The following DDIAS variants were observed in gnomAD, a reference collection of about 807,000 sequenced individuals.
DDIAS encodes DNA damage induced apoptosis suppressor, also known as DNA damage-induced apoptosis suppressor protein.
DDIAS carries 14 observed loss-of-function variants against 15.7 expected under a neutral mutation model. That is an observed-to-expected ratio of 0.89 (90% CI 0.59 to 1.39). The LOEUF is 1.39. Ranked by LOEUF, DDIAS falls within the 40% of genes most tolerant of loss-of-function variation. The pLI is 0.00. For missense variants in DDIAS, 1,035 were observed against 1,130.9 expected (o/e 0.92, Z 1.22); for synonymous variants, 355 against 395.9 (o/e 0.90, Z 1.23).
chr11:82,918,359 G>C (rs1860673518), intron 3 of DDIAS, among the ~76,000 whole-genome samples: 1 of 152,052 alleles, frequency 6.6e-6, no homozygotes, highest in Non-Finnish European at 1.5e-5. Context: ...CCCCACTATT[G>C]TTCACTTTGT....
rs1296631636 is a variant in DDIAS at position 82,933,684 on chromosome 11, A to C, written c.2346A>C (p.Gln782His). 6.2e-7 allele frequency: 1 copy of C among 1,614,134 alleles called. No individual in the cohort carries two copies. The highest frequency in any genetic ancestry group is 8.5e-7 in the Non-Finnish European group (1 of 1,180,006). The change falls in exon 6 of 6, where the codon CAA (glutamine) becomes CAC (histidine). Residue 782 changes from glutamine (Q) to histidine (H), a missense_variant. By Grantham distance (24) the Gln-to-His change is conservative. Coordinates refer to ENST00000533655, the MANE Select transcript of DDIAS (RefSeq NM_145018.4). ...CAACTCCAATTTCAGGGTTCCACCA[A>C]ACAAGAATTCATGGGATAAACAGAG... Reference protein sequence around the residue: ...SQSTPISGFHQTRIHGINRAF... With the variant: ...SQSTPISGFHHTRIHGINRAF...
intron 1 of DDIAS, among the ~76,000 whole-genome samples, chr11:82,907,415 T>A (rs1860453575): frequency 6.6e-6 from 1 of 152,222 alleles, no homozygotes; most frequent in Admixed American, 6.5e-5. Flanking sequence ...TTCCCTTTGT[T>A]AATAAAGAAA....
intron 3 of DDIAS, among the ~76,000 whole-genome samples, chr11:82,923,394 A>G (rs1303269861): frequency 6.6e-6 from 1 of 152,234 alleles, no homozygotes; most frequent in Admixed American, 6.5e-5. Context: ...TAGCACTGCA[A>G]GCTTATGACA....
rs187362601 is a variant in DDIAS at position 82,902,127 on chromosome 11, G to T, written c.-117+305G>T. Among the ~76,000 whole-genome samples the T allele has an allele frequency of 4.1e-4, 62 of 152,318 alleles. 1 individual carries two copies. Among genetic ancestry groups the T allele is most frequent in the African/African-American group, 1.3e-3 (55 of 41,562 alleles). On this transcript the variant is annotated intron_variant, in intron 1 of 5. Coordinates refer to ENST00000533655, the MANE Select transcript of DDIAS (RefSeq NM_145018.4). ...AAGGCGCGACTCTTGCTTCTGTAATGTGCAAATACGTATTCAGTGGGCCAC... is the reference window on the plus strand; with the variant it reads ...AAGGCGCGACTCTTGCTTCTGTAATTTGCAAATACGTATTCAGTGGGCCAC...
Position 82,934,217 on chromosome 11 carries a change from A to G in DDIAS, c.2879A>G (p.His960Arg). The G allele has an allele frequency of 1.9e-6, 3 of 1,614,120 alleles. No homozygotes were observed. The highest frequency in any genetic ancestry group is 2.5e-6 in the Non-Finnish European group (3 of 1,179,992). Reference sequence around the variant, plus strand: ...CAAGTCTTAGCAGCACCTCAGCTGCACCCTATTCTTGGACCTGATTCTTGT... The same window carrying G: ...CAAGTCTTAGCAGCACCTCAGCTGCGCCCTATTCTTGGACCTGATTCTTGT... ...DIQVLAAPQL[H>R]PILGPDSCSE... is the part of the protein sequence containing the mutation. The change falls in exon 6 of 6, where the codon CAC becomes CGC. Residue 960 changes from histidine (H) to arginine (R), a missense_variant. His to Arg is a conservative substitution (Grantham distance 29). Transcript: ENST00000533655.
At chr11:82,910,532 A>T (rs977952601) in intron 1 of DDIAS, among the ~76,000 whole-genome samples, 1 of 151,414 alleles carries the variant, frequency 6.6e-6, no homozygotes, top group Non-Finnish European at 1.5e-5. Context: ...CGGCCTCCCA[A>T]AGTGCTGGGA....
In DDIAS at chr11:82,933,965, A is replaced by T; in HGVS notation, c.2627A>T (p.Asp876Val). ...ACCACACAAAAAATATTTCCTTCAG[A>T]TATGCTTGGATTCCAAGGCATAGGT... The part of the protein sequence containing the change: ...PPTTQKIFPS[D>V]MLGFQGIGLG... Residue 876 changes from aspartate (D) to valine (V), a missense_variant, in exon 6 of 6, where the codon GAT (aspartate) becomes GTT (valine). Physicochemically the swap from Asp to Val is radical, Grantham distance 152. Transcript: ENST00000533655. 1 of 1,612,824 alleles carries T rather than the reference A, an allele frequency of 6.2e-7. No homozygotes were observed. Among genetic ancestry groups the T allele is most frequent in the Non-Finnish European group, 8.5e-7 (1 of 1,179,722 alleles).
At chr11:82,926,265 T>G (rs1406478604) in intron 3 of DDIAS, among the ~76,000 whole-genome samples, 2 of 151,936 alleles carry the variant, frequency 1.3e-5, no homozygotes, top group African/African-American at 2.4e-5. Flanking sequence ...ATTTTTGTAT[T>G]TTTTGTAGAG....
intron 1 of DDIAS, among the ~76,000 whole-genome samples, chr11:82,905,594 C>A (rs1267027171): frequency 6.6e-6 from 1 of 152,112 alleles, no homozygotes. Context: ...CTAAATTAGT[C>A]CCCCTGTTAT....
At chr11:82,909,935 T>C (rs984419763) in intron 1 of DDIAS, among the ~76,000 whole-genome samples, 1 of 152,246 alleles carries the variant, frequency 6.6e-6, no homozygotes, top group East Asian at 1.9e-4. Context: ...TTTATTTTTA[T>C]AGAAATGTTA....
rs146662456 is a variant in DDIAS at position 82,928,801 on chromosome 11, T to C, written c.138T>C (p.Ser46=). ...SKRSNCPKCG[S]TGESGNANYR... The stretch of plus-strand genomic sequence containing the variant: ...GGTCTAATTGTCCAAAATGTGGCTC[T>C]ACTGGTGAATCTGGAAATGCCAATT... The change falls in exon 4 of 6, where the codon TCT becomes TCC. Residue 46 remains serine, a synonymous_variant. Coordinates refer to ENST00000533655, the MANE Select transcript of DDIAS (RefSeq NM_145018.4). 5.6e-6 allele frequency: 9 copies of C among 1,613,558 alleles called. No homozygotes were observed. The highest frequency in any genetic ancestry group is 1.3e-5 in the African/African-American group (1 of 74,918).
At chr11:82,922,640 C>T (rs1054618424) in intron 3 of DDIAS, 1 of 152,158 alleles carries the variant, frequency 6.6e-6, no homozygotes, top group Admixed American at 6.5e-5. Context: ...TTCCTTGCGT[C>T]AGGCTTCGCT....
chr11:82,910,600 CTCTCTCTTTTTTT>C (rs1860512427), intron 1 of DDIAS, among the ~76,000 whole-genome samples: 1 of 122,368 alleles, frequency 8.2e-6, no homozygotes, highest in African/African-American at 3.6e-5. Flanking sequence ...TTTTCTCTCT[CTCTCTCTTTTTTT>C]TTTTTTTTTT....
In DDIAS at chr11:82,919,411, T is replaced by C. The variant is rs1343128852; in HGVS notation, c.113+4560T>C. 3.3e-5 allele frequency among the ~76,000 whole-genome samples: 5 copies of C among 152,236 alleles called. No homozygotes were observed. In the East Asian group the frequency reaches 7.7e-4, roughly 23 times the overall value. On this transcript the variant is annotated intron_variant, in intron 3 of 5. Coordinates refer to ENST00000533655, the MANE Select transcript of DDIAS (RefSeq NM_145018.4). Reference sequence around the variant, plus strand: ...GTGGTATATCACACTTATTGACTTATGTATGTTAAACTGTCCCTACATCCC... The same window carrying C: ...GTGGTATATCACACTTATTGACTTACGTATGTTAAACTGTCCCTACATCCC...
chr11:82,933,993 A>G lies in DDIAS; in HGVS notation c.2655A>G (p.Leu885=). 2 of 1,613,744 alleles carry G rather than the reference A, an allele frequency of 1.2e-6. No individual in the cohort carries two copies. Among genetic ancestry groups the G allele is most frequent in the South Asian group, 2.2e-5 (2 of 90,950 alleles). ...SDMLGFQGIG[L]GKCLAAYHFP... ...TGCTTGGATTCCAAGGCATAGGTCT[A>G]GGGAAATGCCTTGCTGCCTATCATT... Residue 885 remains leucine, a synonymous_variant, in exon 6 of 6, where the codon CTA becomes CTG. Transcript: ENST00000533655.
At chr11:82,929,326 T>A (rs1263245957) in intron 4 of DDIAS, among the ~76,000 whole-genome samples, 1 of 152,208 alleles carries the variant, frequency 6.6e-6, no homozygotes, top group Non-Finnish European at 1.5e-5. Flanking sequence ...GAAATTGAAA[T>A]TTTATTTTTT....
chr11:82,929,625 A>T (rs1382496947), intron 4 of DDIAS, among the ~76,000 whole-genome samples: 1 of 148,490 alleles, frequency 6.7e-6, no homozygotes, highest in Non-Finnish European at 1.5e-5. Context: ...AATGGCATGA[A>T]CCCAGGAGGC....
At chr11:82,924,226 G>A (rs889731462) in intron 3 of DDIAS, among the ~76,000 whole-genome samples, 3 of 152,138 alleles carry the variant, frequency 2.0e-5, no homozygotes, top group Admixed American at 6.6e-5. Context: ...TTTAAAATAT[G>A]TCTCATTACT....
chr11:82,929,385 C>T (rs1430672505), intron 4 of DDIAS, among the ~76,000 whole-genome samples: 1 of 152,066 alleles, frequency 6.6e-6, no homozygotes, highest in Non-Finnish European at 1.5e-5. Flanking sequence ...ACGACATTGT[C>T]CTGAGAATAT....
Sources: gnomAD v4.1 joint callset for allele counts (sites outside exome capture counted in the v4.1 genomes callset) on GRCh38, gnomAD v4.1.1 for gene constraint, MANE v1.5 for transcripts, NCBI Gene and HGNC (gene_info 2026-07-23, HGNC 2026-07-21) for gene names.